Variants in CNTNAP2 observed in about 807,000 individuals in gnomAD.
CNTNAP2 encodes contactin associated protein 2, also known as contactin-associated protein-like 2.
A neutral mutation model predicts 155.2 loss-of-function variants in CNTNAP2; 98 were observed. The observed-to-expected ratio is 0.63, with a 90% CI of 0.54 to 0.75. The LOEUF (loss-of-function observed/expected upper bound fraction) is 0.75. CNTNAP2 is among the 30% of genes least tolerant of loss of function. The pLI is 0.00. For synonymous variants in CNTNAP2, 651 were observed against 631.2 expected, an observed-to-expected ratio of 1.03 and a Z score of -0.47; for missense variants, 1,727 against 1,688.1, an observed-to-expected ratio of 1.02 and a Z score of -0.40.
chr7:147,061,418 C>T (rs1226217572), intron 4 of CNTNAP2, among the ~76,000 whole-genome samples: 1 of 152,186 alleles, frequency 6.6e-6, no homozygotes, highest in Non-Finnish European at 1.5e-5. Context: ...TAAAAGTTCT[C>T]ATCCCTTTAT....
At chr7:147,138,173 A>G (rs1801526246) in intron 8 of CNTNAP2, among the ~76,000 whole-genome samples, 1 of 151,958 alleles carries the variant, frequency 6.6e-6, no homozygotes, top group Non-Finnish European at 1.5e-5. Context: ...TACAAAAGAT[A>G]AAACATGGCT....
At chr7:147,564,168 T>A (rs1235026206) in intron 12 of CNTNAP2, among the ~76,000 whole-genome samples, 3 of 152,042 alleles carry the variant, frequency 2.0e-5, no homozygotes, top group Admixed American at 1.3e-4. Flanking sequence ...CTGTCTCAAT[T>A]TTTTTTTCAA....
intron 1 of CNTNAP2, among the ~76,000 whole-genome samples, chr7:146,659,785 G>T (rs1800056394): frequency 6.6e-6 from 1 of 152,166 alleles, no homozygotes; most frequent in Non-Finnish European, 1.5e-5. Context: ...CCCTTTTCAG[G>T]ATTCCAAACT....
intron 12 of CNTNAP2, among the ~76,000 whole-genome samples, chr7:147,596,438 A>C (rs1800828524): frequency 6.6e-6 from 1 of 152,180 alleles, no homozygotes; most frequent in Non-Finnish European, 1.5e-5. Context: ...TGTAACAGAC[A>C]GAGTGATCTT....
chr7:148,213,319 C>T (rs971427784), intron 18 of CNTNAP2, among the ~76,000 whole-genome samples: 7 of 152,294 alleles, frequency 4.6e-5, no homozygotes, highest in African/African-American at 1.7e-4. Context: ...TCTACATGCT[C>T]TCTGACTCCA....
At chr7:146,892,921 T>G (rs189392462) in intron 3 of CNTNAP2, among the ~76,000 whole-genome samples, 12 of 152,302 alleles carry the variant, frequency 7.9e-5, no homozygotes, top group African/African-American at 2.9e-4. Flanking sequence ...GACTCCAACT[T>G]GATATTTAAA....
chr7:148,173,139 A>G (rs1794855967), intron 18 of CNTNAP2, among the ~76,000 whole-genome samples: 1 of 152,144 alleles, frequency 6.6e-6, no homozygotes, highest in Non-Finnish European at 1.5e-5. Flanking sequence ...CCGCAGAGCC[A>G]ATGAGCAGAG....
At chr7:146,345,824 G>A (rs1794810871) in intron 1 of CNTNAP2, among the ~76,000 whole-genome samples, 1 of 152,158 alleles carries the variant, frequency 6.6e-6, no homozygotes, top group Non-Finnish European at 1.5e-5. Flanking sequence ...TTAGTAGTAT[G>A]GCAGAGGCAG....
chr7:146,470,903 C>A (rs936155264), intron 1 of CNTNAP2, among the ~76,000 whole-genome samples: 1 of 152,008 alleles, frequency 6.6e-6, no homozygotes, highest in Non-Finnish European at 1.5e-5. Flanking sequence ...TCCCATGTAT[C>A]TATTTTACTA....
intron 15 of CNTNAP2, among the ~76,000 whole-genome samples, chr7:148,057,805 T>G (rs1386112433): frequency 6.6e-6 from 1 of 152,074 alleles, no homozygotes; most frequent in African/African-American, 2.4e-5. Context: ...GTTCAAATCA[T>G]AATGCTGCCA....
chr7:146,607,637 C>T (rs1034191383), intron 1 of CNTNAP2, among the ~76,000 whole-genome samples: 2 of 151,646 alleles, frequency 1.3e-5, no homozygotes, highest in African/African-American at 2.4e-5. Flanking sequence ...CATCATATCT[C>T]GCTAATTTTT....
intron 6 of CNTNAP2, 49 bp downstream of exon 6, chr7:147,121,212 C>A: frequency 6.5e-7 from 1 of 1,548,076 alleles, no homozygotes; most frequent in Non-Finnish European, 8.9e-7. Context: ...GCAATTGTGT[C>A]ACTCTCCTAC....
chr7:147,417,582 C>T (rs1207308028), intron 10 of CNTNAP2, among the ~76,000 whole-genome samples: 2 of 152,112 alleles, frequency 1.3e-5, no homozygotes, highest in Admixed American at 6.5e-5. Flanking sequence ...CATTAGAGAA[C>T]GTCTACAAAG....
chr7:147,485,785 A>C (rs1798498754), intron 10 of CNTNAP2, 150 bp from the exon 11 acceptor site: 1 of 755,320 alleles, frequency 1.3e-6, no homozygotes, highest in African/African-American at 1.7e-5. Flanking sequence ...TTCATGAATC[A>C]TATTAATCTG....
chr7:146,833,348 C>T (rs1382571050), intron 2 of CNTNAP2, among the ~76,000 whole-genome samples: 5 of 152,040 alleles, frequency 3.3e-5, no homozygotes, highest in Non-Finnish European at 5.9e-5. Context: ...TCTTGACAGC[C>T]AGTCTCTCTC....
intron 9 of CNTNAP2, among the ~76,000 whole-genome samples, chr7:147,342,725 A>G (rs1399858266): frequency 6.6e-6 from 1 of 152,172 alleles, no homozygotes; most frequent in African/African-American, 2.4e-5. Flanking sequence ...CAGCAGCAAC[A>G]AAAAGAGACA....
chr7:146,754,452 G>A (rs1427636832), intron 1 of CNTNAP2, among the ~76,000 whole-genome samples: 1 of 151,920 alleles, frequency 6.6e-6, no homozygotes, highest in African/African-American at 2.4e-5. Context: ...ACATGTGTCA[G>A]CTGACTACCA....
At chr7:147,335,282 G>T (rs911677610) in intron 9 of CNTNAP2, among the ~76,000 whole-genome samples, 6 of 152,098 alleles carry the variant, frequency 3.9e-5, no homozygotes, top group Non-Finnish European at 7.4e-5. Context: ...TTACTGTGGT[G>T]CTGTCAGCAC....
chr7:146,837,758 C>T (rs1265756196), intron 2 of CNTNAP2, among the ~76,000 whole-genome samples: 3 of 152,212 alleles, frequency 2.0e-5, no homozygotes, highest in South Asian at 2.1e-4. Flanking sequence ...AACCTTTGCT[C>T]AGGTGTGTCC....
Sources: gnomAD v4.1 joint callset for allele counts (sites outside exome capture counted in the v4.1 genomes callset) on GRCh38, gnomAD v4.1.1 for gene constraint, MANE v1.5 for transcripts, NCBI Gene and HGNC (gene_info 2026-07-23, HGNC 2026-07-21) for gene names.